The following CPT1A variants were observed in gnomAD, a reference collection of about 807,000 sequenced individuals.
The protein encoded by CPT1A is carnitine O-palmitoyltransferase 1, liver isoform.
Under a neutral mutation model 100.8 loss-of-function variants are expected in CPT1A, and 64 were observed. The ratio of observed to expected loss-of-function variants is 0.63; its 90% CI spans 0.52 to 0.78. The LOEUF (loss-of-function observed/expected upper bound fraction) is 0.78, where lower values mean the gene tolerates loss of function less well. CPT1A is among the 30% of genes least tolerant of loss of function. The probability of loss-of-function intolerance (pLI) is 0.00; values close to 1 mark genes in which losing one functional copy is unlikely to be tolerated. For missense variants in CPT1A, 802 were observed against 1,034.1 expected (o/e 0.78, Z 3.08); for synonymous variants, 363 against 396.0 (o/e 0.92, Z 0.99).
intron 5 of CPT1A, among the ~76,000 whole-genome samples, chr11:68,801,109 C>CA (rs570661785): frequency 7.8e-4 from 118 of 151,170 alleles, no homozygotes; most frequent in Non-Finnish European, 1.6e-3. Flanking sequence ...ACTCTGTCTC[C>CA]AAAAAAAAGG....
intron 2 of CPT1A, among the ~76,000 whole-genome samples, chr11:68,813,225 A>G (rs1171944247): frequency 6.6e-6 from 1 of 152,024 alleles, no homozygotes; most frequent in Non-Finnish European, 1.5e-5. Flanking sequence ...TCACCAAGAT[A>G]ATGGATTAAA....
At chr11:68,802,801 G>A (rs537317872) in intron 5 of CPT1A, among the ~76,000 whole-genome samples, 1 of 150,678 alleles carries the variant, frequency 6.6e-6, no homozygotes, top group East Asian at 2.0e-4. Flanking sequence ...GGAGGCTGAA[G>A]TGGGAGGATC....
At chr11:68,843,684 T>TC (rs1857200567), upstream of CPT1A, among the ~76,000 whole-genome samples, 2 of 152,186 alleles carry the variant, frequency 1.3e-5, no homozygotes, top group South Asian at 4.1e-4. This position sits in a 1 kb window ranked among gnomAD's most constrained non-coding sequence, Gnocchi z 4.0. Context: ...TGGGGGTTTG[T>TC]CCCCCTGCTT....
chr11:68,760,482 T>C (rs1170169962), intron 16 of CPT1A, 144 bp from the exon 17 acceptor site: 2 of 778,554 alleles, frequency 2.6e-6, no homozygotes, highest in Non-Finnish European at 4.3e-6. Flanking sequence ...CCTCACTGGC[T>C]TGGGCAGCGT....
At chr11:68,780,797 A>C (rs754229045) in intron 11 of CPT1A, 52 bp from the exon 12 acceptor site, 1 of 1,337,626 alleles carries the variant, frequency 7.5e-7, no homozygotes, top group Non-Finnish European at 1.1e-6. Flanking sequence ...GGCAACAATG[A>C]GGAGACATTG....
chr11:68,775,435 G>A lies in CPT1A; in HGVS notation c.1459-3C>T, dbSNP rs767712337. ...AGGCTGTCAATGGACATGACGTACT[G>A]TCAAAAATAGAACAAAATTATTAAA... is the stretch of plus-strand genomic sequence containing the variant. On this transcript the variant is annotated splice_region_variant and splice_polypyrimidine_tract_variant and intron_variant, in intron 12 of 18. Coordinates refer to ENST00000265641, the MANE Select transcript of CPT1A (RefSeq NM_001876.4). 31 of 1,606,316 alleles carry A rather than the reference G, an allele frequency of 1.9e-5. No homozygotes were observed. The highest frequency in any genetic ancestry group is 2.6e-5 in the Non-Finnish European group (30 of 1,172,806).
intron 6 of CPT1A, 30 bp downstream of exon 6, chr11:68,799,188 C>T: frequency 1.4e-6 from 1 of 704,290 alleles, no homozygotes; most frequent in Non-Finnish European, 2.1e-6. Context: ...GGAAAAATTT[C>T]ATCAAGAAAA....
intron 14 of CPT1A, among the ~76,000 whole-genome samples, chr11:68,772,469 T>A (rs1414748151): frequency 2.0e-5 from 3 of 151,682 alleles, no homozygotes; most frequent in Non-Finnish European, 4.4e-5. Context: ...GAAGACCCAT[T>A]TATGTCCCTG....
At chr11:68,828,419 C>G (rs1856793781) in intron 1 of CPT1A, among the ~76,000 whole-genome samples, 1 of 152,160 alleles carries the variant, frequency 6.6e-6, no homozygotes, top group Admixed American at 6.5e-5. Context: ...CACCTCCCAC[C>G]TGCGTGGGAG....
chr11:68,767,452 G>A (rs189762474), intron 14 of CPT1A, among the ~76,000 whole-genome samples: 54 of 152,264 alleles, frequency 3.5e-4, no homozygotes, highest in African/African-American at 1.3e-3. Flanking sequence ...AGACGGGCCT[G>A]GTGGTAAATG....
At chr11:68,800,924 G>A (rs1855889810) in intron 5 of CPT1A, among the ~76,000 whole-genome samples, 1 of 152,144 alleles carries the variant, frequency 6.6e-6, no homozygotes, top group Non-Finnish European at 1.5e-5. Flanking sequence ...AGACCAGCCT[G>A]GGCAACATGG....
chr11:68,815,528 G>A, intron 1 of CPT1A, 41 bp from the exon 2 acceptor site: 1 of 1,591,402 alleles, frequency 6.3e-7, no homozygotes, highest in Non-Finnish European at 8.6e-7. Context: ...TGGAACGTGT[G>A]ACCAGACACT....
chr11:68,840,791 G>A (rs1857139364), intron 1 of CPT1A, among the ~76,000 whole-genome samples: 1 of 152,366 alleles, frequency 6.6e-6, no homozygotes, highest in Middle Eastern at 3.4e-3. Context: ...CCGCGGCGGT[G>A]GCTCCGAGAA....
At chr11:68,807,435 C>A (rs757814448) in intron 4 of CPT1A, 32 bp downstream of exon 4, 10 of 1,605,568 alleles carry the variant, frequency 6.2e-6, no homozygotes, top group East Asian at 2.2e-5. Context: ...AAACTGTCCA[C>A]CCCCTCCACA....
intron 3 of CPT1A, 44 bp downstream of exon 3, chr11:68,812,393 T>C (rs1200550474): frequency 6.2e-7 from 1 of 1,612,092 alleles, no homozygotes. Context: ...AGCAATAAAA[T>C]CGGTAACTTC....
chr11:68,810,133 G>A (rs995017700), intron 3 of CPT1A, among the ~76,000 whole-genome samples: 2 of 152,108 alleles, frequency 1.3e-5, no homozygotes, highest in African/African-American at 4.8e-5. Context: ...TGCCGAGATC[G>A]CACCACTGCA....
upstream of CPT1A, among the ~76,000 whole-genome samples, chr11:68,843,654 A>AT (rs537029179): frequency 5.4e-4 from 82 of 152,256 alleles, no homozygotes; most frequent in South Asian, 8.5e-3. This position sits in a 1 kb window ranked among gnomAD's most constrained non-coding sequence, Gnocchi z 4.0. Flanking sequence ...TTTAATTTGC[A>AT]TTTCTTTGAG....
intron 1 of CPT1A, among the ~76,000 whole-genome samples, chr11:68,833,303 T>C (rs1242833678): frequency 1.3e-5 from 2 of 152,154 alleles, no homozygotes; most frequent in Non-Finnish European, 2.9e-5. Flanking sequence ...TTAGCAATAA[T>C]GGGAAGGAAG....
In CPT1A at chr11:68,799,280, C is replaced by A; in HGVS notation, c.631G>T (p.Val211Phe). 6.2e-7 allele frequency: 1 copy of A among 1,614,096 alleles called. No individual in the cohort carries two copies. Among genetic ancestry groups the A allele is most frequent in the African/African-American group, 1.3e-5 (1 of 75,036 alleles). Reference sequence around the variant, plus strand: ...CACTGTAATCTTGGTCCAAGACCGACAGCAAAATCTTGAGCAAGTGCTGTC... The same window carrying A: ...CACTGTAATCTTGGTCCAAGACCGAAAGCAAAATCTTGAGCAAGTGCTGTC... ...RMTALAQDFA[V>F]GLGPRLQWYL... Residue 211 changes from valine (V) to phenylalanine (F), a missense_variant, in exon 6 of 19, where the codon GTC (valine) becomes TTC (phenylalanine). Around this residue, in one of 4 missense-constraint regions of CPT1A, gnomAD observed 627 missense variants for 799.3 expected, o/e 0.78. Coordinates refer to ENST00000265641, the MANE Select transcript of CPT1A (RefSeq NM_001876.4).
Sources: allele counts gnomAD v4.1 joint callset (sites outside exome capture counted in the v4.1 genomes callset), GRCh38; gene constraint gnomAD v4.1.1; regional missense constraint gnomAD v4.1.1; non-coding constraint Gnocchi (gnomAD v3.1); transcripts MANE v1.5; gene names NCBI Gene and HGNC (gene_info 2026-07-23, HGNC 2026-07-21).